The following MIA2 variants were observed in gnomAD, a reference collection of about 807,000 sequenced individuals.
The protein encoded by MIA2 is melanoma inhibitory activity protein 2.
In MIA2, 127 loss-of-function variants were observed where a neutral mutation model predicts 167.8. The observed-to-expected ratio is 0.76, with a 90% CI of 0.66 to 0.88. The LOEUF is 0.88. MIA2 is among the 40% of genes least tolerant of loss of function. The probability of loss-of-function intolerance (pLI) is 0.00; values close to 1 mark genes in which losing one functional copy is unlikely to be tolerated. For synonymous variants in MIA2, 552 were observed against 541.9 expected, an observed-to-expected ratio of 1.02 and a Z score of -0.26; for missense variants, 1,690 against 1,624.7, an observed-to-expected ratio of 1.04 and a Z score of -0.69.
At chr14:39,355,313 GA>G (rs996272948), downstream of MIA2, among the ~76,000 whole-genome samples, 1 of 152,028 alleles carries the variant, frequency 6.6e-6, no homozygotes, top group African/African-American at 2.4e-5. Context: ...TATTCTCTTT[GA>G]AGCAATTGTG....
chr14:39,323,148 A>G lies in MIA2; in HGVS notation c.3496+2092A>G, dbSNP rs545121399. ...AAAATCAACTTACTACTGTATGGTC[A>G]TGAGATATTCTCCCTTTGCCCATAT... is the stretch of plus-strand genomic sequence containing the variant. On this transcript the variant is annotated intron_variant, in intron 24 of 28. Transcript: ENST00000640607. Among the ~76,000 whole-genome samples the G allele has an allele frequency of 1.5e-4, 23 of 152,320 alleles. 1 individual carries two copies. In the South Asian group the frequency reaches 4.6e-3, roughly 30 times the overall value.
chr14:39,367,558 T>C (rs571126688), intron 23 of MIA2, among the ~76,000 whole-genome samples: 1 of 152,314 alleles, frequency 6.6e-6, no homozygotes, highest in East Asian at 1.9e-4. Flanking sequence ...TGTGGATACC[T>C]GGGGATCCCT....
At chr14:39,314,655 C>G (rs1471200002) in intron 19 of MIA2, 84 bp from the exon 20 acceptor site, 9 of 286,152 alleles carry the variant, frequency 3.1e-5, no homozygotes, top group Middle Eastern at 8.5e-4. Context: ...TCTGGGTTTT[C>G]TAATAAATAT....
intron 23 of MIA2, among the ~76,000 whole-genome samples, chr14:39,384,426 T>C (rs1595971757): frequency 6.6e-6 from 1 of 152,218 alleles, no homozygotes; most frequent in African/African-American, 2.4e-5. Flanking sequence ...AGGAAATTCA[T>C]GTTTTCATGC....
At chr14:39,293,448 G>T in intron 11 of MIA2, 67 bp downstream of exon 11, 3 of 1,074,156 alleles carry the variant, frequency 2.8e-6, no homozygotes, top group Non-Finnish European at 4.1e-6. Flanking sequence ...AAATTAATAT[G>T]ATACTGGTTA....
intron 5 of MIA2, 52 bp downstream of exon 5, chr14:39,253,018 A>T: frequency 6.4e-7 from 1 of 1,559,920 alleles, no homozygotes; most frequent in Non-Finnish European, 8.7e-7. Flanking sequence ...AAGAAATTAG[A>T]ATCAGAAGTT....
chr14:39,362,953 G>C (rs966146685), intron 23 of MIA2, among the ~76,000 whole-genome samples: 1 of 152,116 alleles, frequency 6.6e-6, no homozygotes, highest in Non-Finnish European at 1.5e-5. Flanking sequence ...TGTCATTTAG[G>C]AACATGTCAT....
At chr14:39,326,383 G>A (rs950314689) in intron 24 of MIA2, among the ~76,000 whole-genome samples, 18 of 152,092 alleles carry the variant, frequency 1.2e-4, no homozygotes, top group African/African-American at 4.3e-4. Context: ...AATTTGGGCA[G>A]AAGTAGAGAG....
chr14:39,313,395 G>A lies in MIA2; in HGVS notation c.3073G>A (p.Val1025Ile), dbSNP rs1474198451. The stretch of plus-strand genomic sequence containing the variant: ...AGAGAAAGAAGAGAAACTTTCTAAA[G>A]TAGATGAAAAGATCAGCCATGCCAC... ...RLEKEEKLSK[V>I]DEKISHATEE... The change falls in exon 19 of 29, where the codon GTA becomes ATA. Residue 1025 changes from valine (V) to isoleucine (I), a missense_variant. By Grantham distance (29) the Val-to-Ile change is conservative. Transcript: ENST00000640607. The A allele has an allele frequency of 1.2e-6, 2 of 1,603,992 alleles. No homozygotes were observed. The highest frequency in any genetic ancestry group is 1.7e-6 in the Non-Finnish European group (2 of 1,175,594).
At chr14:39,285,577 G>A (rs112339553) in intron 9 of MIA2, among the ~76,000 whole-genome samples, 28,474 of 62,316 alleles carry the variant, frequency 0.46, 4,387 homozygotes, top group East Asian at 0.64. Context: ...CTGACCCCCC[G>A]ACCTCCCTCC....
intron 25 of MIA2, 89 bp from the exon 26 acceptor site, chr14:39,345,815 G>C (rs992770945): frequency 9.1e-7 from 1 of 1,102,814 alleles, no homozygotes; most frequent in Non-Finnish European, 1.3e-6. Context: ...TTAGAATACA[G>C]GTCAAAAGTG....
chr14:39,295,140 A>G (rs1595201199), intron 13 of MIA2, 111 bp downstream of exon 13: 1 of 744,142 alleles, frequency 1.3e-6, no homozygotes, highest in Admixed American at 2.4e-5. Flanking sequence ...CCTTGAGAGC[A>G]TGAGAGCAGG....
At chr14:39,292,829 AT>A (rs1056918284) in intron 10 of MIA2, 34 of 165,580 alleles carry the variant, frequency 2.1e-4, no homozygotes, top group South Asian at 5.5e-4. Flanking sequence ...AGCAGCCTTG[AT>A]TTTTTTTTAG....
At chr14:39,386,422 G>C in intron 23 of MIA2, 4 of 1,553,928 alleles carry the variant, frequency 2.6e-6, no homozygotes, top group Non-Finnish European at 3.6e-6. Context: ...TAACAAGGCT[G>C]TTTCTAGCAG....
At chr14:39,386,791 A>C (rs1218789260) in intron 23 of MIA2, 5 of 1,133,600 alleles carry the variant, frequency 4.4e-6, no homozygotes, top group Non-Finnish European at 6.7e-6. Flanking sequence ...TTTCTAAGTG[A>C]TAGATTAGTG....
At chr14:39,314,004 C>T (rs1247642570) in intron 19 of MIA2, among the ~76,000 whole-genome samples, 1 of 152,036 alleles carries the variant, frequency 6.6e-6, no homozygotes, top group Non-Finnish European at 1.5e-5. Flanking sequence ...GCTTTTTATC[C>T]AAAATAAGTT....
intron 10 of MIA2, among the ~76,000 whole-genome samples, chr14:39,291,601 A>G (rs891567910): frequency 6.6e-6 from 1 of 152,172 alleles, no homozygotes; most frequent in Non-Finnish European, 1.5e-5. Context: ...AATGTTTGAC[A>G]ACTTTTTTTT....
intron 3 of MIA2, among the ~76,000 whole-genome samples, chr14:39,246,293 C>T (rs1021981212): frequency 4.1e-4 from 62 of 152,042 alleles, no homozygotes; most frequent in African/African-American, 1.4e-3. Flanking sequence ...AGATGGGTTT[C>T]GCCATGTTGG....
intron 2 of MIA2, among the ~76,000 whole-genome samples, chr14:39,238,754 A>G (rs1287220380): frequency 7.6e-6 from 1 of 131,330 alleles, no homozygotes; most frequent in African/African-American, 2.9e-5. Flanking sequence ...TGATTGTACC[A>G]CTGCACTCCA....
Sources: gnomAD v4.1 joint callset for allele counts (sites outside exome capture counted in the v4.1 genomes callset) on GRCh38, gnomAD v4.1.1 for gene constraint, MANE v1.5 for transcripts, NCBI Gene and HGNC (gene_info 2026-07-23, HGNC 2026-07-21) for gene names.